The following TAF1B variants were observed in gnomAD, a reference collection of about 807,000 sequenced individuals.
TAF1B encodes the protein TATA-box binding protein associated factor, RNA polymerase I subunit B, also known as TATA box-binding protein-associated factor RNA polymerase I subunit B.
A neutral mutation model predicts 83.9 loss-of-function variants in TAF1B; 61 were observed. That is an observed-to-expected ratio of 0.73 (90% CI 0.59 to 0.90). The LOEUF (loss-of-function observed/expected upper bound fraction) is 0.90, where lower values mean the gene tolerates loss of function less well. TAF1B is among the 40% of genes least tolerant of loss of function. TAF1B has a pLI of 0.00. For synonymous variants in TAF1B, 221 were observed against 224.6 expected, an observed-to-expected ratio of 0.98 and a Z score of 0.14; for missense variants, 625 against 677.0, an observed-to-expected ratio of 0.92 and a Z score of 0.85.
Position 9,875,852 on chromosome 2 carries a change from T to C in TAF1B, c.554-13T>C, listed in dbSNP as rs1664306300. On this transcript the variant is annotated splice_polypyrimidine_tract_variant and intron_variant, in intron 6 of 14. Coordinates refer to ENST00000263663, the MANE Select transcript of TAF1B (RefSeq NM_005680.3). ...TTCACTGGATTTTTAAAAATCTCCA[T>C]TTATCTCCTAAGAAACGTCTGTCTG... 2 of 1,558,366 alleles carry C rather than the reference T, an allele frequency of 1.3e-6. No homozygotes were observed. The highest frequency in any genetic ancestry group is 2.4e-5 in the South Asian group (2 of 84,022).
At chr2:9,930,745 A>T (rs948221767) in intron 14 of TAF1B, among the ~76,000 whole-genome samples, 4 of 152,208 alleles carry the variant, frequency 2.6e-5, no homozygotes, top group African/African-American at 7.2e-5. Context: ...TGTCTCGTTA[A>T]TCTGTCTAAT....
intron 8 of TAF1B, among the ~76,000 whole-genome samples, chr2:9,884,593 A>C (rs1293334820): frequency 1.3e-5 from 2 of 152,138 alleles, no homozygotes; most frequent in Non-Finnish European, 2.9e-5. Flanking sequence ...AGCAGAAAGG[A>C]GACTCTGGAA....
chr2:9,856,829 A>G (rs879599522), intron 5 of TAF1B, among the ~76,000 whole-genome samples: 20 of 152,246 alleles, frequency 1.3e-4, no homozygotes, highest in Non-Finnish European at 2.6e-4. Context: ...TTAGTAAGGT[A>G]ATTTCTACTT....
Position 9,849,436 on chromosome 2 carries a change from G to T in TAF1B, c.181G>T (p.Gly61Trp). The change falls in exon 3 of 15, where the codon GGG becomes TGG. Residue 61 changes from glycine (G) to tryptophan (W), a missense_variant. Physicochemically the swap from Gly to Trp is radical, Grantham distance 184 (BLOSUM62 -2). Transcript: ENST00000263663. Reference protein sequence around the residue: ...PNTQIKALNRGLKKKNNTEKG... With the variant: ...PNTQIKALNRWLKKKNNTEKG... ...TACCCAAATAAAAGCCCTCAACCGGGGGCTTAAAAAAAAAAACAATACTGG... is the reference window on the plus strand; with the variant it reads ...TACCCAAATAAAAGCCCTCAACCGGTGGCTTAAAAAAAAAAACAATACTGG... The T allele has an allele frequency of 6.3e-7, 1 of 1,577,478 alleles. No homozygotes were observed. Among genetic ancestry groups the T allele is most frequent in the South Asian group, 1.2e-5 (1 of 85,078 alleles).
At position 9,933,469 on chromosome 2, in the gene TAF1B, T is replaced by A. The variant is rs370982026; in HGVS notation, c.1566-314T>A. Among the ~76,000 whole-genome samples, 3 of 152,324 alleles carry A rather than the reference T, an allele frequency of 2.0e-5. No individual in the cohort carries two copies. The East Asian group carries it at 5.8e-4, about 29-fold the overall frequency. ...TTCAGAATCTCTCCCTGTGTGCTTT[T>A]GTTTGCCTTGACCATGGTAAGAAAG... On this transcript the variant is annotated intron_variant, in intron 14 of 14. Coordinates refer to ENST00000263663, the MANE Select transcript of TAF1B (RefSeq NM_005680.3).
At position 9,905,019 on chromosome 2, in the gene TAF1B, C is replaced by T. The variant is rs940431853; in HGVS notation, c.955+13C>T. ...GTCAACCTCCCTGGTAAGTGTGTGA[C>T]ATATATTGTGGGGACACTTTAACTA... On this transcript the variant is annotated intron_variant, in intron 9 of 14. Coordinates refer to ENST00000263663, the MANE Select transcript of TAF1B (RefSeq NM_005680.3). The T allele has an allele frequency of 6.2e-7, 1 of 1,604,038 alleles. No individual in the cohort carries two copies.
At chr2:9,869,794 A>G in intron 6 of TAF1B, among the ~76,000 whole-genome samples, 1 of 151,848 alleles carries the variant, frequency 6.6e-6, no homozygotes, top group African/African-American at 2.4e-5. Flanking sequence ...AATTGCTTGA[A>G]CCGGGAGGCA....
At chr2:9,845,492 A>G (rs1266526087) in intron 2 of TAF1B, 174 bp downstream of exon 2, 2 of 511,986 alleles carry the variant, frequency 3.9e-6, no homozygotes, top group East Asian at 3.3e-5. Context: ...GGATTTGTGA[A>G]TTAGATTGAG....
intron 7 of TAF1B, among the ~76,000 whole-genome samples, chr2:9,878,904 T>C (rs1022825661): frequency 6.6e-6 from 1 of 152,126 alleles, no homozygotes; most frequent in African/African-American, 2.4e-5. Flanking sequence ...ATTCAGAAGA[T>C]TGAAATAGGA....
chr2:9,913,286 A>T (rs2125174193), intron 12 of TAF1B, 37 bp downstream of exon 12: 1 of 1,490,412 alleles, frequency 6.7e-7, no homozygotes, highest in Non-Finnish European at 9.3e-7. Context: ...CACCTGCCTT[A>T]CTTCTGTGTC....
At chr2:9,898,304 C>T (rs915940684) in intron 8 of TAF1B, among the ~76,000 whole-genome samples, 4 of 152,080 alleles carry the variant, frequency 2.6e-5, no homozygotes, top group Admixed American at 1.3e-4. Context: ...AGATGTTTTT[C>T]GTAAGCATCT....
intron 9 of TAF1B, among the ~76,000 whole-genome samples, chr2:9,907,880 T>C (rs1665394323): frequency 6.6e-6 from 1 of 152,006 alleles, no homozygotes. Context: ...CAACCCAGTC[T>C]TCCCCTTCCA....
intron 14 of TAF1B, among the ~76,000 whole-genome samples, chr2:9,930,530 C>T (rs1666180357): frequency 6.6e-6 from 1 of 152,156 alleles, no homozygotes; most frequent in Non-Finnish European, 1.5e-5. Context: ...GTCTGAGAGA[C>T]CATTTGTTGT....
At chr2:9,869,503 G>A (rs1016583928) in intron 6 of TAF1B, among the ~76,000 whole-genome samples, 1 of 151,988 alleles carries the variant, frequency 6.6e-6, no homozygotes. Flanking sequence ...GATTACAGGT[G>A]TGAACCACCG....
chr2:9,906,808 A>G (rs926631296), intron 9 of TAF1B, among the ~76,000 whole-genome samples: 95 of 152,216 alleles, frequency 6.2e-4, no homozygotes, highest in African/African-American at 2.2e-3. Context: ...TTCTTCTCCT[A>G]CCTTTATGTA....
chr2:9,848,850 T>A (rs1663291087), intron 2 of TAF1B, among the ~76,000 whole-genome samples: 1 of 152,158 alleles, frequency 6.6e-6, no homozygotes, highest in Non-Finnish European at 1.5e-5. Context: ...TACTAACCAT[T>A]TTAGTCATTC....
At chr2:9,919,535 C>T in intron 13 of TAF1B, 63 bp from the exon 14 acceptor site, 4 of 1,430,814 alleles carry the variant, frequency 2.8e-6, no homozygotes, top group South Asian at 1.2e-5. Flanking sequence ...CAAGTAAATT[C>T]CAGGCTTTAT....
chr2:9,845,368 A>C lies in TAF1B; in HGVS notation c.117+50A>C, dbSNP rs150139627. 7 of 1,499,036 alleles carry C rather than the reference A, an allele frequency of 4.7e-6. No homozygotes were observed. In the Admixed American group the frequency reaches 8.4e-5, roughly 18 times the overall value. 92.9% of individuals were successfully genotyped at this position (1,499,036 alleles called of 1,614,324 possible). A position where few individuals can be genotyped will look rare whatever the true frequency, so the allele number is the denominator to read the frequency against. Reference sequence around the variant, plus strand: ...ATTTGCTTATGTTTTAAAAATTGCCATTTCAGCCTGATATGTAGTCTAAGT... The same window carrying C: ...ATTTGCTTATGTTTTAAAAATTGCCCTTTCAGCCTGATATGTAGTCTAAGT... On this transcript the variant is annotated intron_variant, in intron 2 of 14. Transcript: ENST00000263663.
intron 14 of TAF1B, among the ~76,000 whole-genome samples, chr2:9,924,107 C>T (rs1665966511): frequency 6.6e-6 from 1 of 152,180 alleles, no homozygotes; most frequent in African/African-American, 2.4e-5. Context: ...AAACTAAATT[C>T]TAACTGTATG....
Sources: gnomAD v4.1 joint callset for allele counts (sites outside exome capture counted in the v4.1 genomes callset) on GRCh38, gnomAD v4.1.1 for gene constraint, MANE v1.5 for transcripts, NCBI Gene and HGNC (gene_info 2026-07-23, HGNC 2026-07-21) for gene names.